Variants in LIMD2 observed in about 807,000 individuals in gnomAD.
LIMD2 encodes the protein LIM domain-containing protein 2.
Under a neutral mutation model 16.0 loss-of-function variants are expected in LIMD2, and 11 were observed. The observed-to-expected ratio is 0.69, with a 90% CI of 0.43 to 1.14. The LOEUF (loss-of-function observed/expected upper bound fraction) is 1.14, where lower values mean the gene tolerates loss of function less well. LIMD2 is among the 50% of genes most tolerant of loss of function. The pLI, the probability that LIMD2 is intolerant of heterozygous loss-of-function variation, is 0.00. For missense variants in LIMD2, 168 were observed against 165.8 expected (o/e 1.01, Z -0.07); for synonymous variants, 60 against 67.1 (o/e 0.89, Z 0.52).
chr17:63,699,713 C>G, intron 1 of LIMD2: 2 of 547,878 alleles, frequency 3.7e-6, no homozygotes, highest in Non-Finnish European at 4.7e-6. Context: ...CCCTCGCTGC[C>G]CTGCGCCGCG....
chr17:63,696,999 T>TGGC lies in LIMD2; in HGVS notation c.*1550_*1552dup, dbSNP rs1174393602. The TGGC allele has an allele frequency of 6.6e-6, 1 of 152,172 alleles. No individual in the cohort carries two copies. The highest frequency in any genetic ancestry group is 1.5e-5 in the Non-Finnish European group (1 of 68,058). 9.4% of individuals were successfully genotyped at this position (152,172 alleles called of 1,614,324 possible). On this transcript the variant is annotated 3_prime_UTR_variant, in exon 5 of 5. Transcript: ENST00000259006. ...GAACTCAGGCAGTTGTATGGTGTGG[T>TGGC]GGCAGCAAACCCTCCAGGAGTCTCT...
rs967738887 is a variant in LIMD2, at chr17:63,698,548, G to A, written c.*4C>T. On this transcript the variant is annotated 3_prime_UTR_variant, in exon 5 of 5. Transcript: ENST00000259006. ...CGCAGAGGGGGTGGAAGGTTACAGA[G>A]GCCTCAGGCCGTCTTGGTGCCGGGG... is the stretch of plus-strand genomic sequence containing the variant. 1.9e-6 allele frequency: 3 copies of A among 1,613,336 alleles called. No homozygotes were observed. Among genetic ancestry groups the A allele is most frequent in the Admixed American group, 1.7e-5 (1 of 60,000 alleles).
chr17:63,698,364 C>T lies in LIMD2; in HGVS notation c.*188G>A, dbSNP rs1234074187. ...CAGACCCCAATCCTGGTTTCCAAAC[C>T]CTCACCGGCTGCGGGAGAAGGAAGA... On this transcript the variant is annotated 3_prime_UTR_variant, in exon 5 of 5. Coordinates refer to ENST00000259006, the MANE Select transcript of LIMD2 (RefSeq NM_030576.4). 3 of 714,102 alleles carry T rather than the reference C, an allele frequency of 4.2e-6. No homozygotes were observed. The highest frequency in any genetic ancestry group is 6.8e-6 in the Non-Finnish European group (3 of 442,116). 44.2% of individuals were successfully genotyped at this position (714,102 alleles called of 1,614,324 possible).
rs1436741164 is a variant in LIMD2 at position 63,699,264 on chromosome 17, G to T, written c.35C>A (p.Pro12His). The T allele has an allele frequency of 2.5e-6, 4 of 1,611,410 alleles. No individual in the cohort carries two copies. The African/African-American group carries it at 5.3e-5, about 22-fold the overall frequency. The change falls in exon 2 of 5, where the codon CCC (proline) becomes CAC (histidine). Residue 12 changes from proline to histidine, a missense_variant. Coordinates refer to ENST00000259006, the MANE Select transcript of LIMD2 (RefSeq NM_030576.4). ...FQAAGAAQAT[P>H]SHDAKGGGSS... ...ACCCAGCCGGGCACTTACATGAGAG[G>T]GGGTGGCCTGGGCGGCTCCTGCAGC...
chr17:63,699,293 G>C lies in LIMD2; in HGVS notation c.6C>G (p.Phe2Leu). ...TGGCCTGGGCGGCTCCTGCAGCCTG[G>C]AACATGGCTCGTTGGAGGTGGAAGC... MFQAAGAAQATP... is the reference protein window; with the variant it reads MLQAAGAAQATP... Residue 2 changes from phenylalanine (F) to leucine (L), a missense_variant, in exon 2 of 5, where the codon TTC (phenylalanine) becomes TTG (leucine). By Grantham distance (22) the Phe-to-Leu change is conservative. Transcript: ENST00000259006. 11 of 1,608,238 alleles carry C rather than the reference G, an allele frequency of 6.8e-6. No homozygotes were observed. The highest frequency in any genetic ancestry group is 9.3e-6 in the Non-Finnish European group (11 of 1,177,566).
In LIMD2 at chr17:63,696,949, C is replaced by G. The variant is rs984351999; in HGVS notation, c.*1603G>C. On this transcript the variant is annotated 3_prime_UTR_variant, in exon 5 of 5. Coordinates refer to ENST00000259006, the MANE Select transcript of LIMD2 (RefSeq NM_030576.4). ...TGGAGCCTGTGGCCCAGCTCCCTGC[C>G]CTGTTCCACGGGGAGGCCACTTAGG... 3.5e-4 allele frequency: 54 copies of G among 152,276 alleles called. No individual in the cohort carries two copies. The highest frequency in any genetic ancestry group is 3.5e-3 in the Admixed American group (54 of 15,286). 9.4% of individuals were successfully genotyped at this position (152,276 alleles called of 1,614,324 possible).
At chr17:63,699,598 C>T in intron 1 of LIMD2, 1 of 356,766 alleles carries the variant, frequency 2.8e-6, no homozygotes, top group Non-Finnish European at 4.9e-6. Context: ...CGGGGGCTCC[C>T]GCGCAGCCGC....
Position 63,698,214 on chromosome 17 carries a change from G to GA in LIMD2, c.*337_*338insT, listed in dbSNP as rs2035721199. The GA allele has an allele frequency of 3.2e-6, 1 of 311,930 alleles. No homozygotes were observed. The highest frequency in any genetic ancestry group is 2.2e-5 in the African/African-American group (1 of 46,340). 19.3% of individuals were successfully genotyped at this position (311,930 alleles called of 1,614,324 possible). A position where few individuals can be genotyped will look rare whatever the true frequency, so the allele number is the denominator to read the frequency against. On this transcript the variant is annotated 3_prime_UTR_variant, in exon 5 of 5. Transcript: ENST00000259006. ...GTGAGGGAGCTTGGGACCCTGAGGG[G>GA]GGCATGCTGACTCCTTGCTGGAGAA...
intron 1 of LIMD2, 104 bp downstream of exon 1, chr17:63,699,928 G>A (rs2035760122): frequency 1.0e-5 from 10 of 983,694 alleles, no homozygotes; most frequent in Non-Finnish European, 9.6e-6. Flanking sequence ...GGCGAGAGCG[G>A]CTCGCAGACT....
rs1420678193 is a variant in LIMD2 at position 63,700,021 on chromosome 17, G to C, written c.-51+11C>G. On this transcript the variant is annotated intron_variant, in intron 1 of 4. Coordinates refer to ENST00000259006, the MANE Select transcript of LIMD2 (RefSeq NM_030576.4). This position sits in a 1 kb window ranked among gnomAD's most constrained non-coding sequence, Gnocchi z 7.1. ...GGAGCCGGACGCGGCCCCTCCCCCC[G>C]CGGCTCTCACCAGGCCCGGCCTGGG... 3 of 983,782 alleles carry C rather than the reference G, an allele frequency of 3.0e-6. No individual in the cohort carries two copies. The highest frequency in any genetic ancestry group is 3.6e-6 in the Non-Finnish European group (3 of 829,262). The allele number at this position is 983,782 out of a possible 1,614,324, so 60.9% of individuals were successfully genotyped here.
chr17:63,698,206 C>A lies in LIMD2; in HGVS notation c.*346G>T, dbSNP rs1055665414. The A allele has an allele frequency of 4.1e-5, 12 of 294,536 alleles. No individual in the cohort carries two copies. The South Asian group carries it at 4.8e-4, about 12-fold the overall frequency. 18.2% of individuals were successfully genotyped at this position (294,536 alleles called of 1,614,324 possible). A position where few individuals can be genotyped will look rare whatever the true frequency, so the allele number is the denominator to read the frequency against. On this transcript the variant is annotated 3_prime_UTR_variant, in exon 5 of 5. Coordinates refer to ENST00000259006, the MANE Select transcript of LIMD2 (RefSeq NM_030576.4). ...CGGTGGCAGTGAGGGAGCTTGGGAC[C>A]CTGAGGGGGGCATGCTGACTCCTTG...
intron 1 of LIMD2, 142 bp from the exon 2 acceptor site, chr17:63,699,490 C>T (rs1375612848): frequency 1.2e-5 from 9 of 726,456 alleles, no homozygotes; most frequent in Non-Finnish European, 1.9e-5. Context: ...CTTGCCACTT[C>T]CGCCCCTCAC....
rs2035727234 is a variant in LIMD2 at position 63,698,497 on chromosome 17, C to G, written c.*55G>C. The stretch of plus-strand genomic sequence containing the variant: ...AAGCCCAGCTCGACCTCCTTCCCAC[C>G]TTCCCCCTGCCGGCTCCAGGCCTTC... On this transcript the variant is annotated 3_prime_UTR_variant, in exon 5 of 5. Coordinates refer to ENST00000259006, the MANE Select transcript of LIMD2 (RefSeq NM_030576.4). 4.4e-6 allele frequency: 7 copies of G among 1,585,664 alleles called. No individual in the cohort carries two copies. In the East Asian group the frequency reaches 1.6e-4, roughly 36 times the overall value.
At position 63,696,727 on chromosome 17, in the gene LIMD2, G is replaced by T. The variant is rs1253384905; in HGVS notation, c.*1825C>A. 1.3e-5 allele frequency: 2 copies of T among 152,254 alleles called. No individual in the cohort carries two copies. The highest frequency in any genetic ancestry group is 4.8e-5 in the African/African-American group (2 of 41,446). 9.4% of individuals were successfully genotyped at this position (152,254 alleles called of 1,614,324 possible). A position where few individuals can be genotyped will look rare whatever the true frequency, so the allele number is the denominator to read the frequency against. ...CTCCAGTACCCCCTTGTGGTCATCT[G>T]CTACTGTTGCTTAACCGAACCAAGA... is the stretch of plus-strand genomic sequence containing the variant. On this transcript the variant is annotated 3_prime_UTR_variant, in exon 5 of 5. Coordinates refer to ENST00000259006, the MANE Select transcript of LIMD2 (RefSeq NM_030576.4).
rs1173059013 is a variant in LIMD2, at chr17:63,696,830, G to C, written c.*1722C>G. On this transcript the variant is annotated 3_prime_UTR_variant, in exon 5 of 5. Coordinates refer to ENST00000259006, the MANE Select transcript of LIMD2 (RefSeq NM_030576.4). ...GCTCTGAGGCGCTCACTTCACACTT[G>C]GGAGGATCCAGGCCGGGGCACCATC... The C allele has an allele frequency of 7.1e-5, 10 of 141,174 alleles. No homozygotes were observed. 8.7% of individuals were successfully genotyped at this position (141,174 alleles called of 1,614,324 possible). A position where few individuals can be genotyped will look rare whatever the true frequency, so the allele number is the denominator to read the frequency against.
At position 63,700,010 on chromosome 17, in the gene LIMD2, C is replaced by A. The variant is rs1366133631; in HGVS notation, c.-51+22G>T. The A allele has an allele frequency of 4.1e-6, 4 of 983,924 alleles. No homozygotes were observed. Among genetic ancestry groups the A allele is most frequent in the Non-Finnish European group, 4.8e-6 (4 of 829,316 alleles). 60.9% of individuals were successfully genotyped at this position (983,924 alleles called of 1,614,324 possible). On this transcript the variant is annotated intron_variant, in intron 1 of 4. Coordinates refer to ENST00000259006, the MANE Select transcript of LIMD2 (RefSeq NM_030576.4). The surrounding 1 kb of genome is among the most constrained non-coding windows in gnomAD (Gnocchi z 7.1). The stretch of plus-strand genomic sequence containing the variant: ...CTCCCGGTTCCGGAGCCGGACGCGG[C>A]CCCTCCCCCCGCGGCTCTCACCAGG...
intron 1 of LIMD2, chr17:63,699,789 C>G: frequency 1.5e-6 from 1 of 682,674 alleles, no homozygotes; most frequent in Non-Finnish European, 1.8e-6. Flanking sequence ...CCGCCCCGCC[C>G]CTCGGCCCCC....
In LIMD2 at chr17:63,698,694, G is replaced by A. The variant is rs1487627264; in HGVS notation, c.242C>T (p.Ala81Val). 5 of 1,613,602 alleles carry A rather than the reference G, an allele frequency of 3.1e-6. No individual in the cohort carries two copies. Among genetic ancestry groups the A allele is most frequent in the Middle Eastern group, 1.6e-4 (1 of 6,062 alleles). Residue 81 changes from alanine (A) to valine (V), a missense_variant, in exon 5 of 5, where the codon GCG becomes GTG. Transcript: ENST00000259006. ...TTTGCAGTAGAACTCCCCGTGCAGC[G>A]CGGCGTAGCTGCCCAGGCTGCAGAA... is the stretch of plus-strand genomic sequence containing the variant. ...HTKLSLGSYA[A>V]LHGEFYCKPH...
At chr17:63,700,478 AG>A (rs1236279198), upstream of LIMD2, 3 of 152,170 alleles carry the variant, frequency 2.0e-5, no homozygotes, top group Non-Finnish European at 4.4e-5. The surrounding 1 kb of genome is among the most constrained non-coding windows in gnomAD (Gnocchi z 7.1). Context: ...GGACGAGTTC[AG>A]GCTGCGGCGG....
Sources: allele counts gnomAD v4.1 joint callset, GRCh38; gene constraint gnomAD v4.1.1; non-coding constraint Gnocchi (gnomAD v3.1); transcripts MANE v1.5; gene names NCBI Gene and HGNC (gene_info 2026-07-23, HGNC 2026-07-21).